Variants in ARFGAP1 observed in about 807,000 individuals in gnomAD.
ARFGAP1 encodes the protein ADP-ribosylation factor GTPase-activating protein 1.
ARFGAP1 carries 26 observed loss-of-function variants against 54.0 expected under a neutral mutation model. The observed-to-expected ratio is 0.48, with a 90% CI of 0.35 to 0.67. The LOEUF is 0.67. Ranked by LOEUF, ARFGAP1 falls within the 30% of genes least tolerant of loss-of-function variation. ARFGAP1 has a pLI of 0.00. For synonymous variants in ARFGAP1, 248 were observed against 211.9 expected (o/e 1.17, Z -1.48); for missense variants, 525 against 535.8 (o/e 0.98, Z 0.20).
chr20:63,276,019 A>G lies in ARFGAP1; in HGVS notation c.61-72A>G. 1 of 1,435,390 alleles carries G rather than the reference A, an allele frequency of 7.0e-7. No individual in the cohort carries two copies. The highest frequency in any genetic ancestry group is 2.3e-5 in the East Asian group (1 of 44,068). 88.9% of individuals were successfully genotyped at this position (1,435,390 alleles called of 1,614,324 possible). The stretch of plus-strand genomic sequence containing the variant: ...CCCTCTGCATTCGCTCCTTGAGGCC[A>G]CCTGTCGGGTCTTTGGGGTCCCTGG... On this transcript the variant is annotated intron_variant, in intron 2 of 12. Transcript: ENST00000370283. The surrounding 1 kb of genome is among the most constrained non-coding windows in gnomAD (Gnocchi z 5.2).
In ARFGAP1 at chr20:63,288,489, C is replaced by T; in HGVS notation, c.*616C>T. ...GCTCCCCTGCATCAGCACCGTCCCACCACCAAGTTCACCAGGTTCACCAGA... is the reference window on the plus strand; with the variant it reads ...GCTCCCCTGCATCAGCACCGTCCCATCACCAAGTTCACCAGGTTCACCAGA... On this transcript the variant is annotated 3_prime_UTR_variant, in exon 13 of 13. Coordinates refer to ENST00000370283, the MANE Select transcript of ARFGAP1 (RefSeq NM_018209.4). The T allele has an allele frequency of 2.2e-6, 1 of 455,884 alleles. No individual in the cohort carries two copies. The highest frequency in any genetic ancestry group is 4.4e-6 in the Non-Finnish European group (1 of 226,784). The allele number at this position is 455,884 out of a possible 1,614,324, so 28.2% of individuals were successfully genotyped here.
At chr20:63,284,260 A>G in intron 9 of ARFGAP1, 3 of 1,149,542 alleles carry the variant, frequency 2.6e-6, no homozygotes, top group Admixed American at 4.4e-5. Flanking sequence ...CGCAGTGCAA[A>G]GGGGAGGATC....
At chr20:63,280,140 T>G (rs2067342332) in intron 7 of ARFGAP1, among the ~76,000 whole-genome samples, 1 of 150,940 alleles carries the variant, frequency 6.6e-6, no homozygotes, top group Non-Finnish European at 1.5e-5. Context: ...CGACTCCATC[T>G]CAGAAAAAAA....
chr20:63,278,303 G>T, intron 6 of ARFGAP1, 100 bp downstream of exon 6: 1 of 1,266,268 alleles, frequency 7.9e-7, no homozygotes. Context: ...ATGTGCAGTG[G>T]GTGTGGGACC....
Position 63,276,291 on chromosome 20 carries a change from TG to T in ARFGAP1, c.170+96del. ...CAGAGGTGCTGACGCCAGGGAAGCT[TG>T]GGGGCCACCTCCCATTGCATTGCCA... On this transcript the variant is annotated intron_variant, in intron 3 of 12. Transcript: ENST00000370283. This position sits in a 1 kb window ranked among gnomAD's most constrained non-coding sequence, Gnocchi z 5.2. The T allele has an allele frequency of 6.8e-7, 1 of 1,480,274 alleles. No individual in the cohort carries two copies. The highest frequency in any genetic ancestry group is 9.4e-7 in the Non-Finnish European group (1 of 1,068,296). The allele number at this position is 1,480,274 out of a possible 1,614,324, so 91.7% of individuals were successfully genotyped here.
chr20:63,279,324 G>C, intron 7 of ARFGAP1: 1 of 434,904 alleles, frequency 2.3e-6, no homozygotes, highest in Non-Finnish European at 4.4e-6. Flanking sequence ...TCCTGCCTCA[G>C]CCTCCTGAGT....
chr20:63,280,864 C>T (rs1045541787), intron 7 of ARFGAP1, among the ~76,000 whole-genome samples: 5 of 152,078 alleles, frequency 3.3e-5, no homozygotes, highest in Admixed American at 2.6e-4. Context: ...CTTTAATTAT[C>T]TTGAGAGGCT....
chr20:63,275,316 C>T (rs190912904), intron 1 of ARFGAP1, among the ~76,000 whole-genome samples: 2 of 152,294 alleles, frequency 1.3e-5, no homozygotes, highest in East Asian at 1.9e-4. Context: ...TTAAGCAAAG[C>T]GGCAGCAGTA....
intron 8 of ARFGAP1, among the ~76,000 whole-genome samples, chr20:63,282,184 A>AG (rs1162252654): frequency 6.6e-6 from 1 of 152,114 alleles, no homozygotes; most frequent in Non-Finnish European, 1.5e-5. Context: ...GGGCCCTGGA[A>AG]GGGGCAGCAG....
intron 1 of ARFGAP1, chr20:63,274,328 C>A (rs938784734): frequency 1.5e-5 from 1 of 65,232 alleles, no homozygotes; most frequent in Non-Finnish European, 4.9e-5. Context: ...CCCCCCCCCC[C>A]GCCCAGTGAA....
chr20:63,279,498 G>T (rs992892467), intron 7 of ARFGAP1, among the ~76,000 whole-genome samples: 4 of 152,152 alleles, frequency 2.6e-5, no homozygotes, highest in Non-Finnish European at 5.9e-5. Context: ...GAGCCACCGT[G>T]CCCGGCCATC....
At position 63,278,950 on chromosome 20, in the gene ARFGAP1, G is replaced by T. The variant is rs749859035; in HGVS notation, c.582G>T (p.Lys194Asn). ...TTGGGAACACGCCACCGCCTCAGAA[G>T]AAAGAAGATGACTTCCTCAACAACG... ...VGFGNTPPPQ[K>N]KEDDFLNNAM... Residue 194 changes from lysine to asparagine, a missense_variant, in exon 7 of 13, where the codon AAG becomes AAT. This residue lies in a region of ARFGAP1 where 466 missense variants were observed against 453.6 expected (regional missense o/e 1.03). Transcript: ENST00000370283. The T allele has an allele frequency of 3.1e-6, 5 of 1,614,136 alleles. No individual in the cohort carries two copies. The South Asian group carries it at 4.4e-5, about 14-fold the overall frequency.
At chr20:63,279,344 T>C (rs1043293048) in intron 7 of ARFGAP1, 3 of 395,810 alleles carry the variant, frequency 7.6e-6, no homozygotes, top group Admixed American at 7.2e-5. Flanking sequence ...TAGCTGGGAT[T>C]ATAGGCACCT....
chr20:63,288,385 A>G lies in ARFGAP1; in HGVS notation c.*512A>G, dbSNP rs2067623632. 1 of 456,256 alleles carries G rather than the reference A, an allele frequency of 2.2e-6. No homozygotes were observed. Among genetic ancestry groups the G allele is most frequent in the African/African-American group, 2.0e-5 (1 of 50,090 alleles). 28.3% of individuals were successfully genotyped at this position (456,256 alleles called of 1,614,324 possible). A position where few individuals can be genotyped will look rare whatever the true frequency, so the allele number is the denominator to read the frequency against. On this transcript the variant is annotated 3_prime_UTR_variant, in exon 13 of 13. Transcript: ENST00000370283. Reference sequence around the variant, plus strand: ...AAATGATACTGGCGCTCACGCTGCCATCCGACCACCCTCGGCTCCCGAGTC... The same window carrying G: ...AAATGATACTGGCGCTCACGCTGCCGTCCGACCACCCTCGGCTCCCGAGTC...
intron 10 of ARFGAP1, 81 bp from the exon 11 acceptor site, chr20:63,285,573 C>G: frequency 6.8e-7 from 1 of 1,468,020 alleles, no homozygotes; most frequent in South Asian, 1.1e-5. Context: ...GATGCCCTCA[C>G]CCGGGGGATT....
At position 63,276,778 on chromosome 20, in the gene ARFGAP1, C is replaced by G. The variant is rs1178423947; in HGVS notation, c.342+127C>G. ...GCTGGTTCTGACACACCCACTGGGC[C>G]ACACACAACTTGCCGCCCTGGAGCA... On this transcript the variant is annotated intron_variant, in intron 4 of 12. Coordinates refer to ENST00000370283, the MANE Select transcript of ARFGAP1 (RefSeq NM_018209.4). This position sits in a 1 kb window ranked among gnomAD's most constrained non-coding sequence, Gnocchi z 5.2. 1 of 1,150,208 alleles carries G rather than the reference C, an allele frequency of 8.7e-7. No homozygotes were observed. The highest frequency in any genetic ancestry group is 1.6e-5 in the African/African-American group (1 of 64,168). 71.3% of individuals were successfully genotyped at this position (1,150,208 alleles called of 1,614,324 possible).
chr20:63,273,648 C>T (rs1210680329), intron 1 of ARFGAP1: 1 of 152,210 alleles, frequency 6.6e-6, no homozygotes, highest in Non-Finnish European at 1.5e-5. Context: ...CTCTCTCCCT[C>T]CGGTAGTTCT....
chr20:63,278,002 CAG>C (rs1379766647), intron 5 of ARFGAP1, 113 bp from the exon 6 acceptor site: 26 of 909,262 alleles, frequency 2.9e-5, no homozygotes, highest in East Asian at 7.6e-5. Flanking sequence ...CAGGTGCTCT[CAG>C]GGGTGACGTG....
rs1301282006 is a variant in ARFGAP1, at chr20:63,287,661, C to T, written c.1009C>T (p.Pro337Ser). The change falls in exon 13 of 13, where the codon CCC becomes TCC. Residue 337 changes from proline (P) to serine (S), a missense_variant. Coordinates refer to ENST00000370283, the MANE Select transcript of ARFGAP1 (RefSeq NM_018209.4). The stretch of plus-strand genomic sequence containing the variant: ...CTGGGAGACCTTTGGAAGTGCTGAG[C>T]CCACCAAGACCCGCAAGTCCCCGAG... ...SFWETFGSAE[P>S]TKTRKSPSSD... The T allele has an allele frequency of 1.9e-6, 3 of 1,612,416 alleles. No homozygotes were observed. Among genetic ancestry groups the T allele is most frequent in the Admixed American group, 1.7e-5 (1 of 59,980 alleles).
Sources: allele counts gnomAD v4.1 joint callset (sites outside exome capture counted in the v4.1 genomes callset), GRCh38; gene constraint gnomAD v4.1.1; regional missense constraint gnomAD v4.1.1; non-coding constraint Gnocchi (gnomAD v3.1); transcripts MANE v1.5; gene names NCBI Gene and HGNC (gene_info 2026-07-23, HGNC 2026-07-21).